ST6GALNAC3: variants seen among roughly 807,000 people sequenced by gnomAD.
The protein encoded by ST6GALNAC3 is alpha-N-acetylgalactosaminide alpha-2,6-sialyltransferase 3.
A neutral mutation model predicts 32.7 loss-of-function variants in ST6GALNAC3; 25 were observed. That is an observed-to-expected ratio of 0.76 (90% CI 0.56 to 1.07). ST6GALNAC3 has a LOEUF of 1.07. ST6GALNAC3 is among the 50% of genes least tolerant of loss of function. ST6GALNAC3 has a pLI of 0.00. For synonymous variants in ST6GALNAC3, 129 were observed against 133.1 expected, an observed-to-expected ratio of 0.97 and a Z score of 0.21; for missense variants, 355 against 382.4, an observed-to-expected ratio of 0.93 and a Z score of 0.60.
At chr1:76,526,426 A>C (rs1001241857) in intron 3 of ST6GALNAC3, among the ~76,000 whole-genome samples, 4 of 152,078 alleles carry the variant, frequency 2.6e-5, no homozygotes, top group Non-Finnish European at 5.9e-5. Flanking sequence ...GCTCATTAAT[A>C]ATTTTCTTCT....
intron 3 of ST6GALNAC3, among the ~76,000 whole-genome samples, chr1:76,469,417 G>T (rs542441677): frequency 6.6e-6 from 1 of 152,200 alleles, no homozygotes; most frequent in Admixed American, 6.6e-5. Context: ...AACCCTGAGG[G>T]AGAAAAGTCA....
chr1:76,485,026 A>G (rs1660008724), intron 3 of ST6GALNAC3, among the ~76,000 whole-genome samples: 1 of 152,154 alleles, frequency 6.6e-6, no homozygotes, highest in Non-Finnish European at 1.5e-5. Flanking sequence ...GATTACGTTT[A>G]TTGATTTGCA....
chr1:76,145,615 C>A (rs1570179194), intron 1 of ST6GALNAC3, among the ~76,000 whole-genome samples: 1 of 152,226 alleles, frequency 6.6e-6, no homozygotes. Context: ...TTAAAACTCA[C>A]TTCTGATTCA....
rs184255137 is a variant in ST6GALNAC3, at chr1:76,230,073, A to G, written c.19-83732A>G. On this transcript the variant is annotated intron_variant, in intron 1 of 4. Coordinates refer to ENST00000328299, the MANE Select transcript of ST6GALNAC3 (RefSeq NM_152996.4). ...TAGATGACTTAGCTTAGAAACTCCAACTTCCTCATACTTTTGTTTCTGCTG... is the reference window on the plus strand; with the variant it reads ...TAGATGACTTAGCTTAGAAACTCCAGCTTCCTCATACTTTTGTTTCTGCTG... 1.6e-3 allele frequency among the ~76,000 whole-genome samples: 242 copies of G among 152,332 alleles called. 1 individual carries two copies. The highest frequency in any genetic ancestry group is 5.1e-3 in the African/African-American group (214 of 41,586).
At position 76,112,396 on chromosome 1, in the gene ST6GALNAC3, C is replaced by T. The variant is rs533620463; in HGVS notation, c.18+37512C>T. Among the ~76,000 whole-genome samples, 8 of 144,770 alleles carry T rather than the reference C, an allele frequency of 5.5e-5. No individual in the cohort carries two copies. The East Asian group carries it at 1.7e-3, about 32-fold the overall frequency. 95.0% of individuals were successfully genotyped at this position (144,770 alleles called of 152,430 possible). A position where few individuals can be genotyped will look rare whatever the true frequency, so the allele number is the denominator to read the frequency against. ...CTGACCCCCCCACCTCCTTCCCGGA[C>T]TGGGCGGCTGGCCGGGCGGGGGGCT... On this transcript the variant is annotated intron_variant, in intron 1 of 4. Coordinates refer to ENST00000328299, the MANE Select transcript of ST6GALNAC3 (RefSeq NM_152996.4).
chr1:76,465,785 T>C (rs1447607363), intron 3 of ST6GALNAC3, among the ~76,000 whole-genome samples: 1 of 152,048 alleles, frequency 6.6e-6, no homozygotes, highest in Non-Finnish European at 1.5e-5. Flanking sequence ...TATTTCTCTC[T>C]CCTTTTATTT....
chr1:76,263,390 T>C (rs1318459955), intron 1 of ST6GALNAC3, among the ~76,000 whole-genome samples: 1 of 129,506 alleles, frequency 7.7e-6, no homozygotes, highest in African/African-American at 4.9e-5. Context: ...TTATGTAATA[T>C]TTTTTTATAT....
At chr1:76,158,754 GT>G (rs1366500150) in intron 1 of ST6GALNAC3, among the ~76,000 whole-genome samples, 2 of 152,120 alleles carry the variant, frequency 1.3e-5, no homozygotes, top group African/African-American at 4.8e-5. Context: ...TAAGTACCTG[GT>G]AATTAGTAGC....
chr1:76,338,473 C>T (rs945544926), intron 2 of ST6GALNAC3, among the ~76,000 whole-genome samples: 1 of 152,208 alleles, frequency 6.6e-6, no homozygotes, highest in African/African-American at 2.4e-5. Context: ...CCTCCAGAAG[C>T]TTGACATCCC....
intron 1 of ST6GALNAC3, among the ~76,000 whole-genome samples, chr1:76,297,447 G>A (rs962533034): frequency 6.6e-6 from 1 of 151,832 alleles, no homozygotes; most frequent in African/African-American, 2.4e-5. Context: ...TATTGGGGTA[G>A]ACAGAAATAT....
intron 3 of ST6GALNAC3, among the ~76,000 whole-genome samples, chr1:76,483,002 T>A (rs1346892210): frequency 6.6e-6 from 1 of 151,972 alleles, no homozygotes; most frequent in Non-Finnish European, 1.5e-5. Context: ...TGCGACAGTT[T>A]GCTGAGAATG....
intron 2 of ST6GALNAC3, among the ~76,000 whole-genome samples, chr1:76,376,966 A>G (rs1240082185): frequency 6.6e-6 from 1 of 152,184 alleles, no homozygotes; most frequent in South Asian, 2.1e-4. Flanking sequence ...AGTAATATCT[A>G]TGTGAATTAT....
Position 76,630,519 on chromosome 1 carries a change from C to T in ST6GALNAC3, c.*1713C>T. 1 of 985,190 alleles carries T rather than the reference C, an allele frequency of 1.0e-6. No homozygotes were observed. Among genetic ancestry groups the T allele is most frequent in the Non-Finnish European group, 1.2e-6 (1 of 829,824 alleles). The allele number at this position is 985,190 out of a possible 1,614,324, so 61.0% of individuals were successfully genotyped here. A position where few individuals can be genotyped will look rare whatever the true frequency, so the allele number is the denominator to read the frequency against. ...AGCTGAGAATTCAAAAACATCCTTG[C>T]AGAATGATTCAAAAGACAAAAGCCA... is the stretch of plus-strand genomic sequence containing the variant. On this transcript the variant is annotated 3_prime_UTR_variant, in exon 5 of 5. Transcript: ENST00000328299.
In ST6GALNAC3 at chr1:76,434,450, A is replaced by G. The variant is rs1188959539; in HGVS notation, c.623+22033A>G. Among the ~76,000 whole-genome samples, 3 of 152,216 alleles carry G rather than the reference A, an allele frequency of 2.0e-5. No homozygotes were observed. In the East Asian group the frequency reaches 5.8e-4, roughly 29 times the overall value. Reference sequence around the variant, plus strand: ...AATCAGCATTTTATTTATTTGTGCTAAAAGCATTTATTGAACAGCTGTGTA... The same window carrying G: ...AATCAGCATTTTATTTATTTGTGCTGAAAGCATTTATTGAACAGCTGTGTA... On this transcript the variant is annotated intron_variant, in intron 3 of 4. Transcript: ENST00000328299.
intron 3 of ST6GALNAC3, among the ~76,000 whole-genome samples, chr1:76,424,878 G>T (rs1162136150): frequency 6.6e-6 from 1 of 151,906 alleles, no homozygotes; most frequent in Admixed American, 6.6e-5. Context: ...GATTTCTAAA[G>T]AGATTTTTGT....
At chr1:76,526,304 C>A (rs1662908121) in intron 3 of ST6GALNAC3, among the ~76,000 whole-genome samples, 1 of 152,010 alleles carries the variant, frequency 6.6e-6, no homozygotes, top group Non-Finnish European at 1.5e-5. Context: ...CAAAGTTTAG[C>A]AAAATTTTTT....
chr1:76,359,155 A>G (rs1222936711), intron 2 of ST6GALNAC3, among the ~76,000 whole-genome samples: 1 of 152,192 alleles, frequency 6.6e-6, no homozygotes, highest in African/African-American at 2.4e-5. Context: ...CATTTTGGAT[A>G]TTATCCTGAA....
At chr1:76,111,979 C>T (rs561718141) in intron 1 of ST6GALNAC3, among the ~76,000 whole-genome samples, 3 of 152,134 alleles carry the variant, frequency 2.0e-5, no homozygotes, top group Admixed American at 1.3e-4. Context: ...GGGTGGTGGC[C>T]GGGCAGAGGG....
chr1:76,264,608 G>A (rs542898254), intron 1 of ST6GALNAC3, among the ~76,000 whole-genome samples: 2 of 152,274 alleles, frequency 1.3e-5, no homozygotes, highest in South Asian at 4.1e-4. Context: ...GCTTCCAGTG[G>A]AGTAGCTCAG....
Sources: gnomAD v4.1 joint callset for allele counts (sites outside exome capture counted in the v4.1 genomes callset) on GRCh38, gnomAD v4.1.1 for gene constraint, MANE v1.5 for transcripts, NCBI Gene and HGNC (gene_info 2026-07-23, HGNC 2026-07-21) for gene names.